The following BPIFB1 variants were observed in gnomAD, a reference collection of about 807,000 sequenced individuals.
BPIFB1 encodes BPI fold containing family B member 1.
In BPIFB1, 34 loss-of-function variants were observed where a neutral mutation model predicts 55.1. The observed-to-expected ratio is 0.62, with a 90% confidence interval of 0.47 to 0.82. BPIFB1 has a LOEUF of 0.82. Among genes scored for constraint, BPIFB1 ranks in the 40% least tolerant of loss-of-function variants. The pLI is 0.00. For synonymous variants in BPIFB1, 236 were observed against 245.3 expected, an observed-to-expected ratio of 0.96 and a Z score of 0.35; for missense variants, 532 against 593.1, an observed-to-expected ratio of 0.90 and a Z score of 1.07.
At chr20:33,297,435 C>G (rs2146531216) in intron 6 of BPIFB1, 90 bp from the exon 7 acceptor site, 1 of 1,407,444 alleles carries the variant, frequency 7.1e-7, no homozygotes, top group Admixed American at 1.7e-5. Context: ...CAGTAGGACA[C>G]AGGCCAGGTG....
rs1232323722 is a variant in BPIFB1, at chr20:33,286,081, G to A, written c.8G>A (p.Gly3Asp). MA[G>D]PWTFTLLCGL... ...CCTCTGACACCTGGGAAGATGGCCG[G>A]CCCGTGGACCTTCACCCTTCTCTGT... Residue 3 changes from glycine to aspartate, a missense_variant, in exon 2 of 16, where the codon GGC becomes GAC. Physicochemically the swap from Gly to Asp is moderately conservative, Grantham distance 94 (BLOSUM62 -1). Coordinates refer to ENST00000253354, the MANE Select transcript of BPIFB1 (RefSeq NM_033197.3). 3 of 1,614,142 alleles carry A rather than the reference G, an allele frequency of 1.9e-6. No homozygotes were observed. Among genetic ancestry groups the A allele is most frequent in the South Asian group, 1.1e-5 (1 of 91,076 alleles).
intron 2 of BPIFB1, 66 bp downstream of exon 2, chr20:33,286,254 G>C: frequency 7.1e-7 from 1 of 1,409,192 alleles, no homozygotes; most frequent in Non-Finnish European, 1.0e-6. Context: ...GCTTCCCAAA[G>C]GAGGGAGAGA....
chr20:33,291,765 T>TC (rs1980479674), intron 5 of BPIFB1, 142 bp from the exon 6 acceptor site: 2 of 699,974 alleles, frequency 2.9e-6, no homozygotes, highest in Admixed American at 5.0e-5. Context: ...CAGGGGCTAC[T>TC]CCCAGCCCCG....
At chr20:33,287,859 A>C (rs1398930980) in intron 2 of BPIFB1, among the ~76,000 whole-genome samples, 1 of 152,242 alleles carries the variant, frequency 6.6e-6, no homozygotes, top group Non-Finnish European at 1.5e-5. Flanking sequence ...ACCTGGAAAG[A>C]GAAGCACACC....
chr20:33,286,300 C>A, intron 2 of BPIFB1, 112 bp downstream of exon 2: 1 of 928,130 alleles, frequency 1.1e-6, no homozygotes, highest in Non-Finnish European at 1.7e-6. Context: ...GGCTGAGATC[C>A]CAGAACGTGG....
At position 33,303,093 on chromosome 20, in the gene BPIFB1, G is replaced by A. The variant is rs373459527; in HGVS notation, c.1140+19G>A. The A allele has an allele frequency of 7.4e-5, 120 of 1,611,700 alleles. No individual in the cohort carries two copies. Among genetic ancestry groups the A allele is most frequent in the East Asian group, 3.3e-4 (15 of 44,838 alleles). ...GGGCATCGTGAGTTCAGTTGTCTGCGATATTGGCAGCAACCAGGGGGACCC... is the reference window on the plus strand; with the variant it reads ...GGGCATCGTGAGTTCAGTTGTCTGCAATATTGGCAGCAACCAGGGGGACCC... On this transcript the variant is annotated intron_variant, in intron 11 of 15. Transcript: ENST00000253354.
At chr20:33,285,042 T>C (rs1306995003) in intron 1 of BPIFB1, among the ~76,000 whole-genome samples, 2 of 152,186 alleles carry the variant, frequency 1.3e-5, no homozygotes, top group Non-Finnish European at 2.9e-5. Context: ...CTTCATGTCT[T>C]GGGCCCCAGG....
At position 33,291,949 on chromosome 20, in the gene BPIFB1, C is replaced by T. The variant is rs1568648598; in HGVS notation, c.558C>T (p.Asn186=). Reference sequence around the variant, plus strand: ...ACGCCTTAGCTAAGCAGGTCATGAACCTCCTAGTGCCATCCCTGCCCAATC... The same window carrying T: ...ACGCCTTAGCTAAGCAGGTCATGAATCTCCTAGTGCCATCCCTGCCCAATC... The part of the protein sequence containing the change: ...LVNALAKQVM[N]LLVPSLPNLV... Residue 186 remains asparagine (N), a synonymous_variant, in exon 6 of 16, where the codon AAC becomes AAT. Coordinates refer to ENST00000253354, the MANE Select transcript of BPIFB1 (RefSeq NM_033197.3). The T allele has an allele frequency of 1.2e-6, 2 of 1,614,236 alleles. No homozygotes were observed. Among genetic ancestry groups the T allele is most frequent in the Middle Eastern group, 1.6e-4 (1 of 6,062 alleles).
chr20:33,306,979 C>T lies in BPIFB1; in HGVS notation c.1387C>T (p.Leu463=). Residue 463 remains leucine, a synonymous_variant, in exon 15 of 16, where the codon CTG becomes TTG. Transcript: ENST00000253354. ...ALGFEAAESS[L]TKDALVLTPA... The stretch of plus-strand genomic sequence containing the variant: ...GGGATTCGAGGCAGCTGAGTCCTCA[C>T]TGACCAAGGTGAGTGGGTGTGGCCC... 6.2e-7 allele frequency: 1 copy of T among 1,614,078 alleles called. No individual in the cohort carries two copies. Among genetic ancestry groups the T allele is most frequent in the Non-Finnish European group, 8.5e-7 (1 of 1,179,876 alleles).
chr20:33,308,910 A>G (rs1981139864), intron 15 of BPIFB1, among the ~76,000 whole-genome samples: 1 of 151,130 alleles, frequency 6.6e-6, no homozygotes, highest in Admixed American at 6.6e-5. Context: ...ACACACACAT[A>G]CACAGAGACG....
intron 4 of BPIFB1, 99 bp from the exon 5 acceptor site, chr20:33,290,858 G>C: frequency 7.5e-7 from 1 of 1,334,704 alleles, no homozygotes; most frequent in East Asian, 2.4e-5. Context: ...AAAGGAGACT[G>C]AGGAAGGAGG....
rs78841773 is a variant in BPIFB1 at position 33,285,900 on chromosome 20, A to T, written c.-41-133A>T. The T allele has an allele frequency of 0.061, 36,234 of 593,558 alleles. 1,462 individuals are homozygous for T. The highest frequency in any genetic ancestry group is 0.16 in the African/African-American group (8,548 of 53,968). 36.8% of individuals were successfully genotyped at this position (593,558 alleles called of 1,614,324 possible). A position where few individuals can be genotyped will look rare whatever the true frequency, so the allele number is the denominator to read the frequency against. On this transcript the variant is annotated intron_variant, in intron 1 of 15. Transcript: ENST00000253354. ...CACAAAGAGGTTACGTTGATTGCCT[A>T]AGGCTACACAGCTAGCCCAGGCAGT...
intron 6 of BPIFB1, among the ~76,000 whole-genome samples, chr20:33,293,019 TCAAGCAATTCTCATGCCTCAGCCTCC>T (rs1184592300): frequency 2.6e-4 from 39 of 152,230 alleles, no homozygotes; most frequent in Non-Finnish European, 5.4e-4. Flanking sequence ...CCTCCCGGGT[TCAAGCAATTCTCATGCCTCAGCCTCC>T]CAAGTGGCTG....
At position 33,292,082 on chromosome 20, in the gene BPIFB1, C is replaced by G. The variant is rs551518428; in HGVS notation, c.597+94C>G. 6 of 1,155,724 alleles carry G rather than the reference C, an allele frequency of 5.2e-6. No homozygotes were observed. In the Admixed American group the frequency reaches 1.1e-4, roughly 20 times the overall value. The allele number at this position is 1,155,724 out of a possible 1,614,324, so 71.6% of individuals were successfully genotyped here. A position where few individuals can be genotyped will look rare whatever the true frequency, so the allele number is the denominator to read the frequency against. On this transcript the variant is annotated intron_variant, in intron 6 of 15. Coordinates refer to ENST00000253354, the MANE Select transcript of BPIFB1 (RefSeq NM_033197.3). Reference sequence around the variant, plus strand: ...AGTTGGTGCTAAGTGACTGGAGTCTCCTTGGGTGGGTTTTGCTGAAAGAAT... The same window carrying G: ...AGTTGGTGCTAAGTGACTGGAGTCTGCTTGGGTGGGTTTTGCTGAAAGAAT...
chr20:33,287,109 T>G (rs1980295874), intron 2 of BPIFB1, among the ~76,000 whole-genome samples: 1 of 151,616 alleles, frequency 6.6e-6, no homozygotes, highest in South Asian at 2.1e-4. Flanking sequence ...CTCTGAGAGG[T>G]TGGAGGGAGG....
intron 7 of BPIFB1, among the ~76,000 whole-genome samples, chr20:33,299,600 C>T (rs548097774): frequency 4.1e-4 from 63 of 152,188 alleles, no homozygotes; most frequent in Non-Finnish European, 8.1e-4. Flanking sequence ...TTGAACAGGT[C>T]ATTTCCCTTT....
At chr20:33,301,964 G>A (rs1371965703) in intron 9 of BPIFB1, among the ~76,000 whole-genome samples, 1 of 152,192 alleles carries the variant, frequency 6.6e-6, no homozygotes, top group Non-Finnish European at 1.5e-5. Context: ...AACGTTATGG[G>A]AGGATGGCAG....
chr20:33,299,979 C>A lies in BPIFB1; in HGVS notation c.742C>A (p.Leu248Met). ...CAAGGGTGACACCATTCAGCTCTAC[C>A]TGGGGGTGAGTGTCCCAGGACCTTG... is the stretch of plus-strand genomic sequence containing the variant. ...AIKGDTIQLYLGAKLLDSQGK... is the reference protein window; with the variant it reads ...AIKGDTIQLYMGAKLLDSQGK... Residue 248 changes from leucine (L) to methionine (M), a missense_variant, in exon 8 of 16, where the codon CTG (leucine) becomes ATG (methionine). Transcript: ENST00000253354. The A allele has an allele frequency of 6.2e-7, 1 of 1,613,980 alleles. No individual in the cohort carries two copies. Among genetic ancestry groups the A allele is most frequent in the Non-Finnish European group, 8.5e-7 (1 of 1,179,862 alleles).
rs200607499 is a variant in BPIFB1 at position 33,291,015 on chromosome 20, C to T, written c.424C>T (p.Arg142Cys). 2.6e-5 allele frequency: 42 copies of T among 1,613,942 alleles called. No homozygotes were observed. Among genetic ancestry groups the T allele is most frequent in the Non-Finnish European group, 3.2e-5 (38 of 1,180,024 alleles). Residue 142 changes from arginine (R) to cysteine (C), a missense_variant, in exon 5 of 16, where the codon CGC (arginine) becomes TGC (cysteine). Transcript: ENST00000253354. The part of the protein sequence containing the change: ...HMTTEAQATI[R>C]MDTSASGPTR... ...GACGACTGAGGCCCAAGCCACCATCCGCATGGACACCAGTGCAAGTGGCCC... is the reference window on the plus strand; with the variant it reads ...GACGACTGAGGCCCAAGCCACCATCTGCATGGACACCAGTGCAAGTGGCCC...
Sources: allele counts gnomAD v4.1 joint callset (sites outside exome capture counted in the v4.1 genomes callset), GRCh38; gene constraint gnomAD v4.1.1; transcripts MANE v1.5; gene names NCBI Gene and HGNC (gene_info 2026-07-23, HGNC 2026-07-21).